Variants in SLC39A11 observed in about 807,000 individuals in gnomAD.
SLC39A11 encodes zinc transporter ZIP11.
In SLC39A11, 33 loss-of-function variants were observed where a neutral mutation model predicts 36.1. That is an observed-to-expected ratio of 0.91 (90% CI 0.69 to 1.22). The LOEUF (loss-of-function observed/expected upper bound fraction) is 1.22, where lower values mean the gene tolerates loss of function less well. SLC39A11 is among the 50% of genes most tolerant of loss of function. SLC39A11 has a pLI of 0.00. For synonymous variants in SLC39A11, 166 were observed against 170.3 expected, an observed-to-expected ratio of 0.97 and a Z score of 0.20; for missense variants, 432 against 430.3, an observed-to-expected ratio of 1.00 and a Z score of -0.03.
chr17:72,722,801 A>G (rs964700912), intron 7 of SLC39A11, among the ~76,000 whole-genome samples: 1 of 151,824 alleles, frequency 6.6e-6, no homozygotes, highest in Non-Finnish European at 1.5e-5. Context: ...AGCCTGGCTA[A>G]TTTTTGTATT....
intron 4 of SLC39A11, among the ~76,000 whole-genome samples, chr17:72,959,325 G>GTGTGTGTGTA (rs1436484912): frequency 7.0e-4 from 46 of 65,526 alleles, no homozygotes; most frequent in African/African-American, 2.9e-3. Flanking sequence ...GTGTGTGTGT[G>GTGTGTGTGTA]TATATATATA....
At chr17:73,050,462 CTT>C (rs558193911) in intron 3 of SLC39A11, among the ~76,000 whole-genome samples, 29 of 124,274 alleles carry the variant, frequency 2.3e-4, no homozygotes, top group South Asian at 5.5e-4. Flanking sequence ...TGTGAACTGA[CTT>C]TTTTTTTTTT....
chr17:73,073,904 G>A (rs2060239206), intron 3 of SLC39A11: 1 of 152,084 alleles, frequency 6.6e-6, no homozygotes, highest in East Asian at 1.9e-4. Flanking sequence ...GAGTCCATGA[G>A]CCTATTCCTT....
intron 4 of SLC39A11, among the ~76,000 whole-genome samples, chr17:73,028,421 C>A (rs1280757167): frequency 6.6e-6 from 1 of 152,136 alleles, no homozygotes. Context: ...CCAAAGGAAA[C>A]CTTTGGCCAG....
chr17:72,677,764 T>C (rs149255449), intron 7 of SLC39A11, among the ~76,000 whole-genome samples: 1 of 152,198 alleles, frequency 6.6e-6, no homozygotes, highest in Non-Finnish European at 1.5e-5. Context: ...TTGGTCCTCC[T>C]CCCTAGAGAA....
intron 4 of SLC39A11, among the ~76,000 whole-genome samples, chr17:73,008,330 T>A (rs1270907397): frequency 1.3e-5 from 2 of 152,078 alleles, no homozygotes; most frequent in Non-Finnish European, 2.9e-5. Flanking sequence ...TTCTGGCTAT[T>A]TCCTCTGTAG....
intron 7 of SLC39A11, among the ~76,000 whole-genome samples, chr17:72,697,922 A>T (rs1327127840): frequency 6.6e-6 from 1 of 152,112 alleles, no homozygotes; most frequent in Non-Finnish European, 1.5e-5. Context: ...GGAGCCACAC[A>T]AGCTCCGTTA....
rs370406289 is a variant in SLC39A11 at position 73,004,223 on chromosome 17, GAA to G, written c.306+27331_306+27332del. Reference sequence around the variant, plus strand: ...AGAAAGAAAGAAAGAAAGAAAGAAAGAAAGAAAGAAAAGAAAGAAAGAGAAAA... The same window carrying G: ...AGAAAGAAAGAAAGAAAGAAAGAAAGAGAAAGAAAAGAAAGAAAGAGAAAA... On this transcript the variant is annotated intron_variant, in intron 4 of 9. Transcript: ENST00000255559. Among the ~76,000 whole-genome samples the G allele has an allele frequency of 1.0e-4, 8 of 78,960 alleles. 1 individual carries two copies. The East Asian group carries it at 1.7e-3, about 17-fold the overall frequency. 51.8% of individuals were successfully genotyped at this position (78,960 alleles called of 152,430 possible).
At chr17:73,009,889 C>T (rs2090415145) in intron 4 of SLC39A11, among the ~76,000 whole-genome samples, 1 of 151,086 alleles carries the variant, frequency 6.6e-6, no homozygotes, top group Non-Finnish European at 1.5e-5. Flanking sequence ...CCTCCCCACT[C>T]CCCCCACCCC....
chr17:72,998,269 G>C (rs902424417), intron 4 of SLC39A11, among the ~76,000 whole-genome samples: 4 of 151,306 alleles, frequency 2.6e-5, no homozygotes, highest in African/African-American at 9.8e-5. Flanking sequence ...GCCGTGCTAT[G>C]TCACAAGGAC....
At chr17:72,782,687 C>CAAAA (rs72447211) in intron 6 of SLC39A11, among the ~76,000 whole-genome samples, 3 of 62,476 alleles carry the variant, frequency 4.8e-5, no homozygotes, top group African/African-American at 1.1e-4. Context: ...GACCCCATCT[C>CAAAA]AAAAAAAAAA....
At chr17:73,068,613 G>A (rs1443832839) in intron 3 of SLC39A11, among the ~76,000 whole-genome samples, 1 of 152,050 alleles carries the variant, frequency 6.6e-6, no homozygotes, top group South Asian at 2.1e-4. Flanking sequence ...ACAGCCCCAG[G>A]GCAGTTGGCC....
chr17:72,689,967 T>A (rs1218110721), intron 7 of SLC39A11, among the ~76,000 whole-genome samples: 1 of 152,178 alleles, frequency 6.6e-6, no homozygotes, highest in Non-Finnish European at 1.5e-5. Context: ...TGGGGGATGT[T>A]CAAAGAAAGC....
At chr17:72,753,263 G>T (rs554301831) in intron 6 of SLC39A11, among the ~76,000 whole-genome samples, 377 of 151,990 alleles carry the variant, frequency 2.5e-3, no homozygotes, top group African/African-American at 8.4e-3. Context: ...CTTTTTTTCA[G>T]CTCAGGAAAA....
At chr17:72,854,155 C>A (rs1269979275) in intron 5 of SLC39A11, among the ~76,000 whole-genome samples, 1 of 152,072 alleles carries the variant, frequency 6.6e-6, no homozygotes, top group Middle Eastern at 3.2e-3. Context: ...AGAGATTAAT[C>A]CCCTTTAACG....
At chr17:72,676,875 G>A (rs566031842) in intron 7 of SLC39A11, among the ~76,000 whole-genome samples, 32 of 152,286 alleles carry the variant, frequency 2.1e-4, no homozygotes, top group Admixed American at 1.6e-3. Context: ...TGCGTGTGCC[G>A]TCCCACCTCA....
At chr17:73,048,181 C>T (rs940456737) in intron 3 of SLC39A11, among the ~76,000 whole-genome samples, 1 of 151,418 alleles carries the variant, frequency 6.6e-6, no homozygotes, top group Non-Finnish European at 1.5e-5. Context: ...AAACCACATC[C>T]CCCTCCTTCT....
chr17:73,012,678 C>T (rs1418068861), intron 4 of SLC39A11, among the ~76,000 whole-genome samples: 1 of 152,102 alleles, frequency 6.6e-6, no homozygotes. Context: ...GGTAGTTTTG[C>T]TGCCCTTGCC....
chr17:72,800,945 G>A (rs914118492), intron 6 of SLC39A11, among the ~76,000 whole-genome samples: 2 of 152,178 alleles, frequency 1.3e-5, no homozygotes, highest in Non-Finnish European at 2.9e-5. Context: ...TAAAACTAAT[G>A]TGCCATGCAA....
Sources: gnomAD v4.1 joint callset for allele counts (sites outside exome capture counted in the v4.1 genomes callset) on GRCh38, gnomAD v4.1.1 for gene constraint, MANE v1.5 for transcripts, NCBI Gene and HGNC (gene_info 2026-07-23, HGNC 2026-07-21) for gene names.